KCNMB4: variants seen among roughly 807,000 people sequenced by gnomAD.
KCNMB4 encodes potassium calcium-activated channel subfamily M regulatory beta subunit 4.
Under a neutral mutation model 20.7 loss-of-function variants are expected in KCNMB4, and 3 were observed. That is an observed-to-expected ratio of 0.14 (90% CI 0.07 to 0.37). KCNMB4 has a LOEUF of 0.37. Among genes scored for constraint, KCNMB4 ranks in the 10% least tolerant of loss-of-function variants. The pLI is 1.00. For missense variants in KCNMB4, 168 were observed against 265.9 expected (o/e 0.63, Z 2.56); for synonymous variants, 110 against 113.4 (o/e 0.97, Z 0.19).
At chr12:70,424,441 A>C (rs1172129050) in intron 2 of KCNMB4, among the ~76,000 whole-genome samples, 1 of 48,930 alleles carries the variant, frequency 2.0e-5, no homozygotes, top group Admixed American at 2.5e-4. Context: ...ACTCCATCTC[A>C]GAAAAAAAAA....
At chr12:70,394,638 C>A (rs1028993785) in intron 1 of KCNMB4, among the ~76,000 whole-genome samples, 2 of 152,058 alleles carry the variant, frequency 1.3e-5, no homozygotes. Flanking sequence ...CACATATGCA[C>A]CCACAACATT....
chr12:70,394,800 G>A (rs1321814306), intron 1 of KCNMB4, among the ~76,000 whole-genome samples: 1 of 152,094 alleles, frequency 6.6e-6, no homozygotes, highest in African/African-American at 2.4e-5. Flanking sequence ...CTGAGTAGCG[G>A]TGACTACAGG....
chr12:70,382,852 C>G (rs1883817455), intron 1 of KCNMB4, among the ~76,000 whole-genome samples: 1 of 152,038 alleles, frequency 6.6e-6, no homozygotes, highest in African/African-American at 2.4e-5. Context: ...CAAAGAAATA[C>G]AGTCGTTCAT....
chr12:70,421,471 A>T (rs1353476008), intron 2 of KCNMB4, among the ~76,000 whole-genome samples: 68 of 13,350 alleles, frequency 5.1e-3, no homozygotes, highest in Middle Eastern at 0.056. Flanking sequence ...CTCAAAAAAG[A>T]AAAAAAAAAA....
chr12:70,398,739 A>G (rs1001383829), intron 1 of KCNMB4, among the ~76,000 whole-genome samples: 16 of 152,240 alleles, frequency 1.1e-4, no homozygotes, highest in African/African-American at 3.9e-4. Flanking sequence ...TTTCACCATT[A>G]GCAGACATAG....
At chr12:70,426,848 C>T (rs897859124) in intron 2 of KCNMB4, among the ~76,000 whole-genome samples, 14 of 152,156 alleles carry the variant, frequency 9.2e-5, no homozygotes, top group African/African-American at 3.1e-4. Context: ...TATTTTCAAA[C>T]CTTGACTCAG....
At chr12:70,425,876 C>T (rs984876089) in intron 2 of KCNMB4, among the ~76,000 whole-genome samples, 9 of 152,202 alleles carry the variant, frequency 5.9e-5, no homozygotes, top group African/African-American at 1.7e-4. Flanking sequence ...CAGTGGCTCA[C>T]GCCCATAATC....
intron 2 of KCNMB4, among the ~76,000 whole-genome samples, chr12:70,417,861 A>G (rs1247321835): frequency 6.6e-6 from 1 of 152,084 alleles, no homozygotes; most frequent in East Asian, 1.9e-4. Context: ...GAATACTGGG[A>G]AAAAAATCCA....
At chr12:70,428,105 A>T (rs1210713039) in intron 2 of KCNMB4, among the ~76,000 whole-genome samples, 2 of 151,506 alleles carry the variant, frequency 1.3e-5, no homozygotes, top group African/African-American at 4.9e-5. Context: ...TGCAGCCTCG[A>T]CCTCCTGGGC....
At position 70,366,727 on chromosome 12, in the gene KCNMB4, G is replaced by A. The variant is rs112372380; in HGVS notation, c.-8G>A. The stretch of plus-strand genomic sequence containing the variant: ...GGGGAGCACGCCAGCCGCCGAGAGT[G>A]GGGGGCGATGGCGAAGCTCCGGGTG... On this transcript the variant is annotated 5_prime_UTR_variant, in exon 1 of 3. Transcript: ENST00000258111. 1.3e-6 allele frequency: 2 copies of A among 1,569,792 alleles called. No individual in the cohort carries two copies. Among genetic ancestry groups the A allele is most frequent in the Non-Finnish European group, 1.7e-6 (2 of 1,159,724 alleles).
At chr12:70,418,320 T>C (rs1868963531) in intron 2 of KCNMB4, among the ~76,000 whole-genome samples, 1 of 152,204 alleles carries the variant, frequency 6.6e-6, no homozygotes, top group Non-Finnish European at 1.5e-5. Context: ...CTTTTCTGTG[T>C]CCTCTTTGCC....
At chr12:70,426,281 G>A (rs112463405) in intron 2 of KCNMB4, among the ~76,000 whole-genome samples, 2,367 of 149,740 alleles carry the variant, frequency 0.016, 61 homozygotes, top group African/African-American at 0.055. Context: ...GTGACAGAGC[G>A]AGATTCCGTC....
chr12:70,374,181 A>G (rs1216713692), intron 1 of KCNMB4, among the ~76,000 whole-genome samples: 1 of 152,242 alleles, frequency 6.6e-6, no homozygotes, highest in East Asian at 1.9e-4. Flanking sequence ...ATTACAATAC[A>G]TATCAGTTAT....
At chr12:70,375,257 A>G (rs1209268136) in intron 1 of KCNMB4, among the ~76,000 whole-genome samples, 3 of 152,034 alleles carry the variant, frequency 2.0e-5, no homozygotes, top group Admixed American at 6.6e-5. Flanking sequence ...GTTTATGGCT[A>G]GTCTATTTCT....
chr12:70,423,043 A>G (rs1323779023), intron 2 of KCNMB4, among the ~76,000 whole-genome samples: 1 of 152,174 alleles, frequency 6.6e-6, no homozygotes, highest in African/African-American at 2.4e-5. Context: ...GTTAAATGAT[A>G]GTTTGTGGGA....
intron 2 of KCNMB4, among the ~76,000 whole-genome samples, chr12:70,403,452 C>A (rs1868512152): frequency 6.6e-6 from 1 of 152,156 alleles, no homozygotes; most frequent in Non-Finnish European, 1.5e-5. Context: ...CCTGCCTCAG[C>A]CTCCCAAGTA....
At chr12:70,387,980 T>A (rs1270499886) in intron 1 of KCNMB4, among the ~76,000 whole-genome samples, 2 of 152,200 alleles carry the variant, frequency 1.3e-5, no homozygotes, top group East Asian at 3.8e-4. Flanking sequence ...AGCCCTCCAC[T>A]ACCCTTCCTA....
At chr12:70,402,468 C>T (rs1037919440) in intron 2 of KCNMB4, among the ~76,000 whole-genome samples, 20 of 151,814 alleles carry the variant, frequency 1.3e-4, no homozygotes, top group Non-Finnish European at 2.9e-5. Context: ...CGTAGGGAGA[C>T]CCTGTCTCTA....
chr12:70,397,794 G>A lies in KCNMB4; in HGVS notation c.337-2415G>A, dbSNP rs546380918. ...TATTTAAAATCTGTTTTGATTACAT[G>A]TGGTTATGAATTGTTCTTTCCTAAC... On this transcript the variant is annotated intron_variant, in intron 1 of 2. Transcript: ENST00000258111. Among the ~76,000 whole-genome samples, 8 of 152,266 alleles carry A rather than the reference G, an allele frequency of 5.3e-5. No individual in the cohort carries two copies. In the East Asian group the frequency reaches 1.4e-3, roughly 26 times the overall value.
Sources: gnomAD v4.1 joint callset for allele counts (sites outside exome capture counted in the v4.1 genomes callset) on GRCh38, gnomAD v4.1.1 for gene constraint, MANE v1.5 for transcripts, NCBI Gene and HGNC (gene_info 2026-07-23, HGNC 2026-07-21) for gene names.